The following DPP10 variants were observed in gnomAD, a reference collection of about 807,000 sequenced individuals.
The protein encoded by DPP10 is dipeptidyl peptidase like 10.
Under a neutral mutation model 120.9 loss-of-function variants are expected in DPP10, and 33 were observed. The ratio of observed to expected loss-of-function variants is 0.27; its 90% CI spans 0.21 to 0.37. The LOEUF (loss-of-function observed/expected upper bound fraction) is 0.37. Among genes scored for constraint, DPP10 ranks in the 10% least tolerant of loss-of-function variants. The pLI is 1.00. For synonymous variants in DPP10, 337 were observed against 326.1 expected, an observed-to-expected ratio of 1.03 and a Z score of -0.36; for missense variants, 816 against 942.8, an observed-to-expected ratio of 0.87 and a Z score of 1.76.
At chr2:114,832,177 A>T (rs979405999) in intron 1 of DPP10, among the ~76,000 whole-genome samples, 2 of 152,236 alleles carry the variant, frequency 1.3e-5, no homozygotes, top group South Asian at 2.1e-4. Context: ...ATTAAATCAC[A>T]TAAAAGTATG....
rs114161263 is a variant in DPP10, at chr2:115,371,042, A to G, written c.271+27130A>G. Among the ~76,000 whole-genome samples the G allele has an allele frequency of 5.4e-3, 816 of 152,290 alleles. 8 individuals carry two copies. The highest frequency in any genetic ancestry group is 0.019 in the African/African-American group (771 of 41,588). The stretch of plus-strand genomic sequence containing the variant: ...TGAATTGTTAAAAAATTAAAGGTTT[A>G]AACATTTTGCCTAAATGAATATTAT... On this transcript the variant is annotated intron_variant, in intron 3 of 25. Coordinates refer to ENST00000410059, the MANE Select transcript of DPP10 (RefSeq NM_020868.6).
intron 1 of DPP10, among the ~76,000 whole-genome samples, chr2:114,618,570 C>T (rs952477502): frequency 1.3e-5 from 2 of 151,972 alleles, no homozygotes; most frequent in South Asian, 2.1e-4. Context: ...TGTGGGGAGG[C>T]GGTGCTTTTG....
intron 1 of DPP10, among the ~76,000 whole-genome samples, chr2:114,808,021 A>G (rs1420844429): frequency 3.3e-5 from 5 of 152,192 alleles, no homozygotes; most frequent in Non-Finnish European, 7.3e-5. Flanking sequence ...GAGGAGTCAA[A>G]TTTCTTACAA....
rs1690525913 is a variant in DPP10, at chr2:115,845,298, T to G, written c.*2953T>G. ...ACATCCTGCGGCCACCAACACTGTA[T>G]GGATACAATCTGGCCTCTCAGCTCT... On this transcript the variant is annotated 3_prime_UTR_variant, in exon 26 of 26. Transcript: ENST00000410059. 6.6e-6 allele frequency: 1 copy of G among 152,268 alleles called. No homozygotes were observed. Among genetic ancestry groups the G allele is most frequent in the Non-Finnish European group, 1.5e-5 (1 of 68,092 alleles). 9.4% of individuals were successfully genotyped at this position (152,268 alleles called of 1,614,324 possible).
intron 1 of DPP10, among the ~76,000 whole-genome samples, chr2:114,648,391 C>A (rs769857713): frequency 2.6e-5 from 4 of 152,260 alleles, no homozygotes; most frequent in Non-Finnish European, 5.9e-5. Context: ...TTTTTTGGAG[C>A]CTTAGCCTTA....
chr2:114,584,202 A>C (rs1690762256), intron 1 of DPP10, among the ~76,000 whole-genome samples: 1 of 152,152 alleles, frequency 6.6e-6, no homozygotes, highest in African/African-American at 2.4e-5. Flanking sequence ...AAGCTGAAAA[A>C]GAAGTATAGT....
chr2:114,893,387 C>G (rs949017978), intron 1 of DPP10, among the ~76,000 whole-genome samples: 5 of 152,064 alleles, frequency 3.3e-5, no homozygotes, highest in African/African-American at 1.2e-4. Flanking sequence ...TCATTCCTAG[C>G]CAAGACGTAT....
rs1683825596 is a variant in DPP10 at position 114,508,047 on chromosome 2, C to CT, written c.60+65215dup. ...TCCTTTCCTCTTTCTTTCCTTTCTT[C>CT]TTTTTTCCATCTCTCTCTCCTCCTT... On this transcript the variant is annotated intron_variant, in intron 1 of 25. Transcript: ENST00000410059. Among the ~76,000 whole-genome samples the CT allele has an allele frequency of 2.6e-5, 4 of 151,614 alleles. 1 individual carries two copies. The highest frequency in any genetic ancestry group is 1.3e-4 in the Admixed American group (2 of 15,222).
intron 1 of DPP10, among the ~76,000 whole-genome samples, chr2:115,019,628 T>C (rs1464992878): frequency 1.3e-5 from 2 of 152,198 alleles, no homozygotes; most frequent in East Asian, 1.9e-4. Flanking sequence ...CCAGCCTTGA[T>C]AGAGATCTAG....
At chr2:115,211,985 G>T (rs564837275) in intron 1 of DPP10, among the ~76,000 whole-genome samples, 7 of 152,272 alleles carry the variant, frequency 4.6e-5, no homozygotes, top group African/African-American at 1.7e-4. Context: ...TGAGTTGACT[G>T]TGCATTCAGC....
intron 1 of DPP10, among the ~76,000 whole-genome samples, chr2:114,595,216 A>G (rs926033734): frequency 1.3e-5 from 2 of 152,112 alleles, no homozygotes; most frequent in African/African-American, 4.8e-5. Flanking sequence ...CAACGTACAC[A>G]CAGACCACAT....
chr2:114,614,701 A>G (rs1248705854), intron 1 of DPP10, among the ~76,000 whole-genome samples: 2 of 152,134 alleles, frequency 1.3e-5, no homozygotes, highest in African/African-American at 2.4e-5. Flanking sequence ...AGTTCCAATA[A>G]CATTGTGATT....
At chr2:114,583,830 T>A (rs549608773) in intron 1 of DPP10, among the ~76,000 whole-genome samples, 1 of 152,260 alleles carries the variant, frequency 6.6e-6, no homozygotes, top group African/African-American at 2.4e-5. Flanking sequence ...AGATACGGAG[T>A]AACCTCTTGA....
intron 1 of DPP10, among the ~76,000 whole-genome samples, chr2:114,536,193 C>G (rs1476186875): frequency 6.6e-6 from 1 of 152,072 alleles, no homozygotes; most frequent in East Asian, 1.9e-4. Flanking sequence ...TTCCTCATGT[C>G]TTGCATGCTG....
chr2:115,050,860 T>C (rs1227351840), intron 1 of DPP10, among the ~76,000 whole-genome samples: 1 of 152,210 alleles, frequency 6.6e-6, no homozygotes, highest in African/African-American at 2.4e-5. Context: ...CAGGCAAGTA[T>C]AGAAATCTCT....
At chr2:115,360,965 G>T (rs1257109571) in intron 3 of DPP10, among the ~76,000 whole-genome samples, 10 of 152,100 alleles carry the variant, frequency 6.6e-5, no homozygotes, top group Non-Finnish European at 1.5e-4. Flanking sequence ...CCCAGCTTGT[G>T]CTTGACTGAT....
intron 11 of DPP10, among the ~76,000 whole-genome samples, chr2:115,757,367 A>C (rs1679551275): frequency 6.6e-6 from 1 of 152,056 alleles, no homozygotes; most frequent in Non-Finnish European, 1.5e-5. Context: ...TTAGACTTAC[A>C]GTTCTGCATG....
At chr2:114,992,271 T>G (rs1194867694) in intron 1 of DPP10, among the ~76,000 whole-genome samples, 2 of 152,232 alleles carry the variant, frequency 1.3e-5, no homozygotes, top group Non-Finnish European at 2.9e-5. Flanking sequence ...AGTTACTGTT[T>G]CGGCTGGTGT....
At chr2:115,446,768 G>A (rs577278126) in intron 3 of DPP10, among the ~76,000 whole-genome samples, 2 of 152,152 alleles carry the variant, frequency 1.3e-5, no homozygotes, top group African/African-American at 4.8e-5. Context: ...TATTTTACTG[G>A]GGCCCATTGT....
Sources: allele counts gnomAD v4.1 joint callset (sites outside exome capture counted in the v4.1 genomes callset), GRCh38; gene constraint gnomAD v4.1.1; transcripts MANE v1.5; gene names NCBI Gene and HGNC (gene_info 2026-07-23, HGNC 2026-07-21).